TNRC6B: variants seen among roughly 807,000 people sequenced by gnomAD.
TNRC6B encodes trinucleotide repeat-containing gene 6B protein.
In TNRC6B, 52 loss-of-function variants were observed where a neutral mutation model predicts 203.6. That is an observed-to-expected ratio of 0.26 (90% confidence interval 0.20 to 0.32). The LOEUF is 0.32. TNRC6B is among the 10% of genes least tolerant of loss of function. The probability of loss-of-function intolerance (pLI) is 1.00; values close to 1 mark genes in which losing one functional copy is unlikely to be tolerated. For missense variants in TNRC6B, 1,923 were observed against 2,286.2 expected (o/e 0.84, Z 3.24); for synonymous variants, 838 against 845.7 (o/e 0.99, Z 0.16).
At position 40,253,248 on chromosome 22, in the gene TNRC6B, AT is replaced by A. The variant is rs747179821; in HGVS notation, c.115+2063del. On this transcript the variant is annotated intron_variant, in intron 3 of 22. Transcript: ENST00000454349. ...AGGCACCCGCCACCATGCCCGGCTA[AT>A]TTTTTTTTTTTTTTGTATTTTTAGT... Among the ~76,000 whole-genome samples, 631 of 138,210 alleles carry A rather than the reference AT, an allele frequency of 4.6e-3. 1 individual carries two copies. The highest frequency in any genetic ancestry group is 6.2e-3 in the African/African-American group (236 of 37,832). The allele number at this position is 138,210 out of a possible 152,430, so 90.7% of individuals were successfully genotyped here. A position where few individuals can be genotyped will look rare whatever the true frequency, so the allele number is the denominator to read the frequency against.
chr22:40,294,073 C>CAAAAAAAAA (rs11354611), intron 12 of TNRC6B, among the ~76,000 whole-genome samples: 38 of 80,272 alleles, frequency 4.7e-4, no homozygotes, highest in African/African-American at 1.2e-3. Flanking sequence ...CCCATCTCTA[C>CAAAAAAAAA]AAAAAAAAAA....
At position 40,256,139 on chromosome 22, in the gene TNRC6B, T is replaced by G. The variant is rs2070273606; in HGVS notation, c.115+4939T>G. Among the ~76,000 whole-genome samples, 3 of 152,292 alleles carry G rather than the reference T, an allele frequency of 2.0e-5. No homozygotes were observed. The South Asian group carries it at 6.2e-4, about 32-fold the overall frequency. On this transcript the variant is annotated intron_variant, in intron 3 of 22. Coordinates refer to ENST00000454349, the MANE Select transcript of TNRC6B (RefSeq NM_001162501.2). ...GTGGGTGGGGGAACATTGAGAAGTCTAAGATACCAAGCAGGTTTCTGACTT... is the reference window on the plus strand; with the variant it reads ...GTGGGTGGGGGAACATTGAGAAGTCGAAGATACCAAGCAGGTTTCTGACTT...
chr22:40,131,052 T>C (rs567626487), intron 3 of TNRC6B, among the ~76,000 whole-genome samples: 40 of 151,580 alleles, frequency 2.6e-4, no homozygotes, highest in South Asian at 2.1e-3. Flanking sequence ...GACAGGCGCC[T>C]GCCGCCACGC....
At chr22:40,149,568 G>A (rs1839856980) in intron 3 of TNRC6B, among the ~76,000 whole-genome samples, 1 of 151,826 alleles carries the variant, frequency 6.6e-6, no homozygotes, top group African/African-American at 2.4e-5. Flanking sequence ...TACTCAGGAG[G>A]CGGAGGCAGG....
intron 1 of TNRC6B, among the ~76,000 whole-genome samples, chr22:40,049,496 G>A (rs1345921180): frequency 6.6e-6 from 1 of 151,992 alleles, no homozygotes; most frequent in Non-Finnish European, 1.5e-5. Context: ...ATCTTCATAA[G>A]TGTTATTTAT....
At chr22:40,228,401 G>C (rs2069821213) in intron 1 of TNRC6B, among the ~76,000 whole-genome samples, 1 of 151,642 alleles carries the variant, frequency 6.6e-6, no homozygotes, top group African/African-American at 2.4e-5. Flanking sequence ...TCGCACTCCA[G>C]CCTGGGCAAC....
intron 6 of TNRC6B, among the ~76,000 whole-genome samples, chr22:40,270,829 T>C (rs1466439196): frequency 6.6e-6 from 1 of 152,226 alleles, no homozygotes. Flanking sequence ...TTAAATTTAG[T>C]ATCTGGACAG....
intron 1 of TNRC6B, among the ~76,000 whole-genome samples, chr22:40,210,133 C>T (rs559915035): frequency 9.9e-5 from 15 of 152,142 alleles, no homozygotes; most frequent in Non-Finnish European, 2.2e-4. Flanking sequence ...GTGGGATGCC[C>T]GCCTTGTGCC....
chr22:40,086,655 G>T (rs976462555), intron 1 of TNRC6B, among the ~76,000 whole-genome samples: 1 of 152,216 alleles, frequency 6.6e-6, no homozygotes. Flanking sequence ...CAGAATATCT[G>T]TAGAGTTCAA....
chr22:40,178,605 A>G (rs1191128482), intron 1 of TNRC6B, among the ~76,000 whole-genome samples: 1 of 152,058 alleles, frequency 6.6e-6, no homozygotes, highest in Admixed American at 6.6e-5. Flanking sequence ...CTATCTTTTT[A>G]TTTTTTAAAC....
intron 1 of TNRC6B, among the ~76,000 whole-genome samples, chr22:40,077,572 T>G (rs948919986): frequency 6.6e-6 from 1 of 152,172 alleles, no homozygotes; most frequent in Non-Finnish European, 1.5e-5. Flanking sequence ...TTGCATTTGC[T>G]GGGCTACAAG....
At chr22:40,238,210 A>G (rs2069974316) in intron 1 of TNRC6B, among the ~76,000 whole-genome samples, 1 of 152,120 alleles carries the variant, frequency 6.6e-6, no homozygotes, top group African/African-American at 2.4e-5. Flanking sequence ...CAGAGGCTTC[A>G]GCTGTGGCAA....
At chr22:40,277,204 A>G in intron 8 of TNRC6B, 53 bp downstream of exon 8, 2 of 1,344,568 alleles carry the variant, frequency 1.5e-6, no homozygotes, top group Non-Finnish European at 2.1e-6. Context: ...TAGGTTTAAT[A>G]TTAATACCAA....
intron 12 of TNRC6B, among the ~76,000 whole-genome samples, chr22:40,294,937 G>A (rs562870263): frequency 4.0e-4 from 61 of 152,354 alleles, no homozygotes; most frequent in African/African-American, 1.4e-3. Flanking sequence ...GCTCACGTGT[G>A]CTTGGAGTAC....
At chr22:40,269,976 C>A in intron 5 of TNRC6B, 146 bp from the exon 6 acceptor site, 1 of 741,772 alleles carries the variant, frequency 1.3e-6, no homozygotes, top group Non-Finnish European at 2.0e-6. Flanking sequence ...AGTAGCATTG[C>A]CAAATACCCC....
chr22:40,253,448 A>C, intron 3 of TNRC6B: 1 of 416,158 alleles, frequency 2.4e-6, no homozygotes, highest in Non-Finnish European at 4.7e-6. Flanking sequence ...TCTCAAACAC[A>C]CTCTTCTTTC....
chr22:40,320,653 C>T (rs1569069533), intron 21 of TNRC6B, among the ~76,000 whole-genome samples: 1 of 152,128 alleles, frequency 6.6e-6, no homozygotes, highest in Non-Finnish European at 1.5e-5. Context: ...GATGTCAGCA[C>T]AGGACATAGA....
intron 3 of TNRC6B, among the ~76,000 whole-genome samples, chr22:40,142,457 A>T (rs565574197): frequency 2.0e-5 from 3 of 152,314 alleles, no homozygotes; most frequent in Admixed American, 6.5e-5. Flanking sequence ...AATCAAAACC[A>T]CAGTGAAATA....
intron 11 of TNRC6B, among the ~76,000 whole-genome samples, chr22:40,283,088 T>C (rs1302821268): frequency 6.6e-6 from 1 of 152,172 alleles, no homozygotes; most frequent in Non-Finnish European, 1.5e-5. Context: ...CAGGCTGGAA[T>C]GCAGTGGCGT....
Sources: allele counts gnomAD v4.1 joint callset (sites outside exome capture counted in the v4.1 genomes callset), GRCh38; gene constraint gnomAD v4.1.1; transcripts MANE v1.5; gene names NCBI Gene and HGNC (gene_info 2026-07-23, HGNC 2026-07-21).